Variants in NRXN3 observed in about 807,000 individuals in gnomAD.
The protein encoded by NRXN3 is neurexin III.
In NRXN3, 32 loss-of-function variants were observed where a neutral mutation model predicts 137.6. The ratio of observed to expected loss-of-function variants is 0.23; its 90% CI spans 0.18 to 0.31. The LOEUF (loss-of-function observed/expected upper bound fraction) is 0.31. Ranked by LOEUF, NRXN3 falls within the 10% of genes least tolerant of loss-of-function variation. NRXN3 has a pLI of 1.00. For missense variants in NRXN3, 1,574 were observed against 2,062.5 expected (o/e 0.76, Z 4.59); for synonymous variants, 798 against 784.5 (o/e 1.02, Z -0.29).
chr14:79,558,190 G>A lies in NRXN3; in HGVS notation c.3444+90788G>A, dbSNP rs149272376. Among the ~76,000 whole-genome samples the A allele has an allele frequency of 6.3e-3, 959 of 152,096 alleles. 12 individuals carry two copies. The highest frequency in any genetic ancestry group is 0.037 in the Middle Eastern group (11 of 294). On this transcript the variant is annotated intron_variant, in intron 16 of 20. Coordinates refer to ENST00000335750, the MANE Select transcript of NRXN3 (RefSeq NM_001330195.2). Reference sequence around the variant, plus strand: ...AGCCTTGAACCCCTGAAACTCATCCGTGAGGGTTGGAATCAACTTTTTTCA... The same window carrying A: ...AGCCTTGAACCCCTGAAACTCATCCATGAGGGTTGGAATCAACTTTTTTCA...
At chr14:78,869,230 A>G (rs569812333) in intron 10 of NRXN3, among the ~76,000 whole-genome samples, 9 of 152,202 alleles carry the variant, frequency 5.9e-5, no homozygotes, top group East Asian at 3.9e-4. Flanking sequence ...TTGTCAATCA[A>G]TTGTCAATTT....
At chr14:78,881,562 G>T (rs182526377) in intron 10 of NRXN3, among the ~76,000 whole-genome samples, 1 of 151,586 alleles carries the variant, frequency 6.6e-6, no homozygotes, top group Non-Finnish European at 1.5e-5. Flanking sequence ...CTAGAGATCT[G>T]TGGAACTTTG....
intron 16 of NRXN3, among the ~76,000 whole-genome samples, chr14:79,585,846 T>C (rs1338165434): frequency 6.6e-6 from 1 of 152,164 alleles, no homozygotes; most frequent in Non-Finnish European, 1.5e-5. Context: ...TTTTCAGTAG[T>C]AGCCTCTTAA....
intron 20 of NRXN3, among the ~76,000 whole-genome samples, chr14:79,835,233 G>A (rs1202874280): frequency 6.6e-6 from 1 of 152,114 alleles, no homozygotes; most frequent in East Asian, 1.9e-4. Flanking sequence ...AATTTAGCTT[G>A]ATTCAGCCAT....
At chr14:79,079,618 G>GA (rs2046559063) in intron 15 of NRXN3, among the ~76,000 whole-genome samples, 1 of 152,002 alleles carries the variant, frequency 6.6e-6, no homozygotes, top group African/African-American at 2.4e-5. Flanking sequence ...TTCCAAAAAA[G>GA]AATAATAGAT....
intron 9 of NRXN3, 105 bp from the exon 10 acceptor site, chr14:78,810,213 T>G (rs1596082193): frequency 1.4e-6 from 1 of 695,704 alleles, no homozygotes; most frequent in Non-Finnish European, 2.5e-6. Context: ...GCCACATTTC[T>G]TACGTGTGTC....
In NRXN3 at chr14:79,546,339, G is replaced by A. The variant is rs17109418; in HGVS notation, c.3444+78937G>A. 0.021 allele frequency among the ~76,000 whole-genome samples: 3,269 copies of A among 152,218 alleles called. 190 individuals are homozygous for A. In the East Asian group the frequency reaches 0.24, roughly 11 times the overall value. On this transcript the variant is annotated intron_variant, in intron 16 of 20. Transcript: ENST00000335750. ...CATAAAATAAGGTGCCAGATACATA[G>A]TAGAAATAAAATAAATGATGTTACT...
rs528552972 is a variant in NRXN3, at chr14:78,707,829, T to C, written c.1222-1388T>C. ...GTTCGGTTTTCCATTCCTGAGTTAC[T>C]TCACTTAGAATAATAGTTTCCAGTC... is the stretch of plus-strand genomic sequence containing the variant. On this transcript the variant is annotated intron_variant, in intron 6 of 20. Transcript: ENST00000335750. 3.1e-4 allele frequency among the ~76,000 whole-genome samples: 47 copies of C among 152,332 alleles called. 1 individual carries two copies. Among genetic ancestry groups the C allele is most frequent in the Admixed American group, 9.1e-4 (14 of 15,308 alleles).
intron 19 of NRXN3, among the ~76,000 whole-genome samples, chr14:79,790,763 G>A (rs1284806450): frequency 4.6e-5 from 7 of 151,818 alleles, no homozygotes; most frequent in African/African-American, 1.7e-4. Context: ...TGGGATTATA[G>A]ATGCATGCCA....
intron 20 of NRXN3, among the ~76,000 whole-genome samples, chr14:79,822,388 GT>G (rs560634554): frequency 6.6e-6 from 1 of 152,098 alleles, no homozygotes; most frequent in Non-Finnish European, 1.5e-5. Context: ...ACTGTATCAT[GT>G]TTTTTTGGAT....
intron 16 of NRXN3, among the ~76,000 whole-genome samples, chr14:79,559,325 C>T (rs940580801): frequency 6.6e-6 from 1 of 152,112 alleles, no homozygotes; most frequent in Non-Finnish European, 1.5e-5. Flanking sequence ...AAGTGAGAGA[C>T]ATGAGACTCT....
At chr14:79,539,453 G>A (rs1164549251) in intron 16 of NRXN3, among the ~76,000 whole-genome samples, 1 of 152,170 alleles carries the variant, frequency 6.6e-6, no homozygotes, top group East Asian at 1.9e-4. Context: ...TTCCTGTGCT[G>A]TTTTATAAGC....
chr14:78,173,333 T>C (rs1466849699), intron 1 of NRXN3, among the ~76,000 whole-genome samples: 1 of 151,986 alleles, frequency 6.6e-6, no homozygotes, highest in African/African-American at 2.4e-5. Context: ...GGGGTTAATT[T>C]GGTGAGGGGG....
rs535148455 is a variant in NRXN3 at position 78,455,889 on chromosome 14, C to T, written c.757+158029C>T. ...TCCTCCCTCCAAATTCCAGACTTTGCTCTCTAAATATTATTCCTCTTCATC... is the reference window on the plus strand; with the variant it reads ...TCCTCCCTCCAAATTCCAGACTTTGTTCTCTAAATATTATTCCTCTTCATC... On this transcript the variant is annotated intron_variant, in intron 4 of 20. Transcript: ENST00000335750. 3.9e-5 allele frequency among the ~76,000 whole-genome samples: 6 copies of T among 152,288 alleles called. No individual in the cohort carries two copies. The East Asian group carries it at 5.8e-4, about 15-fold the overall frequency.
intron 15 of NRXN3, among the ~76,000 whole-genome samples, chr14:79,201,882 T>C (rs2066067013): frequency 6.6e-6 from 1 of 152,202 alleles, no homozygotes; most frequent in African/African-American, 2.4e-5. Flanking sequence ...CAACAACTCA[T>C]TAAACAGGTA....
intron 1 of NRXN3, among the ~76,000 whole-genome samples, chr14:78,224,610 A>AT (rs1567008200): frequency 2.0e-5 from 3 of 152,020 alleles, no homozygotes; most frequent in Non-Finnish European, 4.4e-5. Flanking sequence ...TGAACTCATC[A>AT]TTTTTTATGG....
chr14:79,715,259 A>G (rs2098819802), intron 19 of NRXN3, among the ~76,000 whole-genome samples: 2 of 152,140 alleles, frequency 1.3e-5, no homozygotes, highest in Admixed American at 1.3e-4. Flanking sequence ...AGCCTCTTAA[A>G]TCCTGTTGTG....
chr14:78,444,087 A>C (rs1257526471), intron 4 of NRXN3, among the ~76,000 whole-genome samples: 1 of 152,218 alleles, frequency 6.6e-6, no homozygotes, highest in African/African-American at 2.4e-5. Context: ...ATCAAATCAG[A>C]GTTAGGGCTT....
At chr14:78,956,896 A>G (rs1390077806) in intron 10 of NRXN3, among the ~76,000 whole-genome samples, 1 of 152,224 alleles carries the variant, frequency 6.6e-6, no homozygotes, top group African/African-American at 2.4e-5. Flanking sequence ...TCTTAAAGGA[A>G]TTCGTCTGGA....
Sources: allele counts gnomAD v4.1 joint callset (sites outside exome capture counted in the v4.1 genomes callset), GRCh38; gene constraint gnomAD v4.1.1; transcripts MANE v1.5; gene names NCBI Gene and HGNC (gene_info 2026-07-23, HGNC 2026-07-21).